NUP37: variants seen among roughly 807,000 people sequenced by gnomAD.
NUP37 encodes the protein nucleoporin Nup37.
Under a neutral mutation model 45.4 loss-of-function variants are expected in NUP37, and 33 were observed. The ratio of observed to expected loss-of-function variants is 0.73; its 90% confidence interval spans 0.55 to 0.97. The LOEUF (loss-of-function observed/expected upper bound fraction) is 0.97, where lower values mean the gene tolerates loss of function less well. NUP37 is among the 50% of genes least tolerant of loss of function. The pLI is 0.00. For missense variants in NUP37, 365 were observed against 389.7 expected, an observed-to-expected ratio of 0.94 and a Z score of 0.53; for synonymous variants, 127 against 130.7, an observed-to-expected ratio of 0.97 and a Z score of 0.19.
chr12:102,098,792 A>G (rs1879887350), intron 5 of NUP37, among the ~76,000 whole-genome samples: 1 of 152,204 alleles, frequency 6.6e-6, no homozygotes, highest in Non-Finnish European at 1.5e-5. Flanking sequence ...TTGGTCTCCC[A>G]AAGAGCTGAG....
chr12:102,100,959 A>T, intron 4 of NUP37, 73 bp downstream of exon 4: 1 of 856,232 alleles, frequency 1.2e-6, no homozygotes, highest in Non-Finnish European at 1.8e-6. Flanking sequence ...AATTGGAATA[A>T]ATCCAATTAA....
intron 4 of NUP37, among the ~76,000 whole-genome samples, chr12:102,100,811 A>C (rs555612816): frequency 1.3e-5 from 2 of 152,314 alleles, no homozygotes; most frequent in African/African-American, 4.8e-5. Context: ...CAATTTAATA[A>C]GAGATATCAG....
At chr12:102,096,476 C>G (rs1279649750) in intron 5 of NUP37, among the ~76,000 whole-genome samples, 1 of 152,044 alleles carries the variant, frequency 6.6e-6, no homozygotes, top group Non-Finnish European at 1.5e-5. Context: ...AAATAGTGTT[C>G]CTAGGGCAAA....
intron 2 of NUP37, among the ~76,000 whole-genome samples, chr12:102,114,942 A>C (rs753549040): frequency 6.6e-6 from 1 of 152,158 alleles, no homozygotes; most frequent in Non-Finnish European, 1.5e-5. Context: ...AACCACACCA[A>C]ATCAGTCTAA....
chr12:102,091,236 A>T (rs1879642145), intron 5 of NUP37, among the ~76,000 whole-genome samples: 2 of 151,932 alleles, frequency 1.3e-5, no homozygotes, highest in African/African-American at 4.8e-5. Context: ...GACTCTACTA[A>T]AAACACAAAA....
chr12:102,089,601 G>A (rs1239423188), intron 5 of NUP37, among the ~76,000 whole-genome samples: 3 of 142,650 alleles, frequency 2.1e-5, no homozygotes, highest in Admixed American at 7.0e-5. Flanking sequence ...CCTCCCAGAC[G>A]AAGGGCGGCA....
intron 3 of NUP37, among the ~76,000 whole-genome samples, chr12:102,104,475 T>C (rs1880067821): frequency 6.6e-6 from 1 of 152,180 alleles, no homozygotes; most frequent in Admixed American, 6.5e-5. Flanking sequence ...AAGTTTGATT[T>C]AGTCTCATTT....
chr12:102,116,147 T>C (rs773216663), intron 2 of NUP37, among the ~76,000 whole-genome samples: 4 of 152,228 alleles, frequency 2.6e-5, no homozygotes, highest in Non-Finnish European at 5.9e-5. Flanking sequence ...ATACTAGTTC[T>C]TTTTTCTCAT....
At chr12:102,105,839 G>A (rs1880131734) in intron 3 of NUP37, among the ~76,000 whole-genome samples, 1 of 145,390 alleles carries the variant, frequency 6.9e-6, no homozygotes, top group African/African-American at 2.5e-5. Flanking sequence ...TCCAGCCTGG[G>A]TGACAGAGCG....
chr12:102,093,637 T>G (rs527245699), intron 5 of NUP37, among the ~76,000 whole-genome samples: 3 of 152,050 alleles, frequency 2.0e-5, no homozygotes, highest in African/African-American at 7.2e-5. Context: ...CAGGAAATAT[T>G]AGCATTTCAT....
At chr12:102,093,133 G>C (rs189259119) in intron 5 of NUP37, among the ~76,000 whole-genome samples, 43 of 152,096 alleles carry the variant, frequency 2.8e-4, no homozygotes, top group Admixed American at 2.6e-4. Context: ...CAAAATCAGA[G>C]TTGATAATAA....
intron 5 of NUP37, among the ~76,000 whole-genome samples, chr12:102,088,390 A>C (rs1322998860): frequency 6.6e-6 from 1 of 152,088 alleles, no homozygotes; most frequent in Non-Finnish European, 1.5e-5. Context: ...ACAAATCTTA[A>C]ATGTACAATT....
intron 9 of NUP37, 84 bp from the exon 10 acceptor site, chr12:102,074,551 A>T (rs981785170): frequency 5.1e-6 from 4 of 785,698 alleles, no homozygotes; most frequent in Middle Eastern, 2.3e-4. Flanking sequence ...TATGAAATGC[A>T]TTGATGATTT....
rs1343053894 is a variant in NUP37 at position 102,075,022 on chromosome 12, A to G, written c.846T>C (p.Ile282=). The G allele has an allele frequency of 2.5e-6, 4 of 1,609,878 alleles. No homozygotes were observed. Among genetic ancestry groups the G allele is most frequent in the Middle Eastern group, 1.6e-4 (1 of 6,068 alleles). The change falls in exon 9 of 10, where the codon ATT becomes ATC. Residue 282 remains isoleucine (I), a synonymous_variant. Coordinates refer to ENST00000552283, the MANE Select transcript of NUP37 (RefSeq NM_024057.4). The part of the protein sequence containing the change: ...YPGKMASQFQ[I]HHLGHPQPIL... Reference sequence around the variant, plus strand: ...TTACCTGAGGGTGTCCTAAATGATGAATTTGAAACTGGCTTGCCATTTTGC... The same window carrying G: ...TTACCTGAGGGTGTCCTAAATGATGGATTTGAAACTGGCTTGCCATTTTGC...
At chr12:102,077,901 C>G (rs574129397) in intron 6 of NUP37, among the ~76,000 whole-genome samples, 8 of 152,112 alleles carry the variant, frequency 5.3e-5, no homozygotes, top group Admixed American at 3.9e-4. Context: ...AATCTGAAAC[C>G]CTTCTAGTTC....
chr12:102,115,484 C>A (rs905632318), intron 2 of NUP37, among the ~76,000 whole-genome samples: 1 of 152,144 alleles, frequency 6.6e-6, no homozygotes, highest in African/African-American at 2.4e-5. Flanking sequence ...GCTCCTCTGC[C>A]CTTTAACAAA....
At chr12:102,107,388 T>C (rs996346984) in intron 3 of NUP37, among the ~76,000 whole-genome samples, 4 of 152,110 alleles carry the variant, frequency 2.6e-5, no homozygotes, top group East Asian at 1.9e-4. Flanking sequence ...CCTGTCAGTC[T>C]ATCTCCCCAA....
chr12:102,087,708 C>T (rs747626722), intron 5 of NUP37, among the ~76,000 whole-genome samples: 45 of 152,118 alleles, frequency 3.0e-4, no homozygotes, highest in Non-Finnish European at 3.1e-4. Flanking sequence ...TTCAGCAAGT[C>T]CCATGAGAGG....
intron 3 of NUP37, among the ~76,000 whole-genome samples, chr12:102,104,229 A>T (rs1194707878): frequency 6.6e-6 from 1 of 152,130 alleles, no homozygotes; most frequent in African/African-American, 2.4e-5. Flanking sequence ...GATGTTGAAC[A>T]TCTTTTTATA....
Sources: allele counts gnomAD v4.1 joint callset (sites outside exome capture counted in the v4.1 genomes callset), GRCh38; gene constraint gnomAD v4.1.1; transcripts MANE v1.5; gene names NCBI Gene and HGNC (gene_info 2026-07-23, HGNC 2026-07-21).